Variants in TMEM268 observed in about 807,000 individuals in gnomAD.
The protein encoded by TMEM268 is transmembrane protein 268.
In TMEM268, 24 loss-of-function variants were observed where a neutral mutation model predicts 39.1. The ratio of observed to expected loss-of-function variants is 0.61; its 90% CI spans 0.44 to 0.86. The LOEUF is 0.86. TMEM268 is among the 40% of genes least tolerant of loss of function. The pLI, the probability that TMEM268 is intolerant of heterozygous loss-of-function variation, is 0.00. For synonymous variants in TMEM268, 176 were observed against 173.5 expected (o/e 1.01, Z -0.12); for missense variants, 409 against 428.6 (o/e 0.95, Z 0.40).
At chr9:114,623,503 G>A (rs1026657980) in intron 2 of TMEM268, among the ~76,000 whole-genome samples, 3 of 152,316 alleles carry the variant, frequency 2.0e-5, no homozygotes, top group Admixed American at 1.3e-4. Context: ...TCACTGAGCC[G>A]AAATCCCCTT....
chr9:114,609,882 C>T (rs1845433626), upstream of TMEM268, among the ~76,000 whole-genome samples: 1 of 151,990 alleles, frequency 6.6e-6, no homozygotes, highest in African/African-American at 2.4e-5. Flanking sequence ...GAAATGCAGG[C>T]TGTGGCATGT....
chr9:114,610,294 C>A (rs1845446427), upstream of TMEM268, among the ~76,000 whole-genome samples: 1 of 152,198 alleles, frequency 6.6e-6, no homozygotes, highest in Non-Finnish European at 1.5e-5. Flanking sequence ...CCGCCTCGGC[C>A]TCCCAAAGTG....
In TMEM268 at chr9:114,631,282, CA is replaced by C. The variant is rs3035421; in HGVS notation, c.475-2462del. Among the ~76,000 whole-genome samples the C allele has an allele frequency of 4.2e-3, 551 of 129,968 alleles. 3 individuals carry two copies. The highest frequency in any genetic ancestry group is 0.012 in the African/African-American group (407 of 32,826). 85.3% of individuals were successfully genotyped at this position (129,968 alleles called of 152,430 possible). A position where few individuals can be genotyped will look rare whatever the true frequency, so the allele number is the denominator to read the frequency against. ...GGCAACATTATACTCCAGCCTGCCT[CA>C]AAAAAAAAAAAAAAAAAAAAAAAGA... On this transcript the variant is annotated intron_variant, in intron 5 of 8. Coordinates refer to ENST00000288502, the MANE Select transcript of TMEM268 (RefSeq NM_153045.4).
At chr9:114,615,770 A>G (rs916273354) in intron 1 of TMEM268, among the ~76,000 whole-genome samples, 3 of 151,662 alleles carry the variant, frequency 2.0e-5, no homozygotes, top group African/African-American at 7.3e-5. Context: ...GCTCACTGCA[A>G]CCTCCGCCTC....
chr9:114,622,026 G>A, intron 2 of TMEM268: 2 of 928,942 alleles, frequency 2.2e-6, no homozygotes, highest in Non-Finnish European at 2.6e-6. Flanking sequence ...CACTTAGGAG[G>A]CTACTGCAGA....
intron 8 of TMEM268, among the ~76,000 whole-genome samples, 162 bp downstream of exon 8, chr9:114,638,888 C>T (rs1480781941): frequency 1.3e-5 from 2 of 152,200 alleles, no homozygotes; most frequent in African/African-American, 4.8e-5. Context: ...ATTCTTCACC[C>T]TAGCACTTAA....
chr9:114,634,074 G>A (rs1046869071), intron 6 of TMEM268, among the ~76,000 whole-genome samples, 196 bp downstream of exon 6: 6 of 152,204 alleles, frequency 3.9e-5, no homozygotes, highest in South Asian at 4.1e-4. Flanking sequence ...GTAACCAGTG[G>A]CCTGGAACCT....
At chr9:114,640,937 G>A (rs1320612990) in intron 8 of TMEM268, among the ~76,000 whole-genome samples, 2 of 151,696 alleles carry the variant, frequency 1.3e-5, no homozygotes, top group Non-Finnish European at 2.9e-5. Context: ...GTGAAGTGGT[G>A]TGATCTCCGC....
intron 1 of TMEM268, chr9:114,615,502 CAAG>C (rs1845668234): frequency 6.5e-6 from 1 of 152,930 alleles, no homozygotes; most frequent in Non-Finnish European, 1.5e-5. Flanking sequence ...AAGAGTAGAA[CAAG>C]GAGTTTGGTC....
At chr9:114,636,485 TTTTTC>T (rs1554760003) in intron 6 of TMEM268, among the ~76,000 whole-genome samples, 10 of 136,546 alleles carry the variant, frequency 7.3e-5, no homozygotes, top group African/African-American at 1.1e-4. Context: ...AGGGTTTAAC[TTTTTC>T]TTTTCTTTTC....
rs34578013 is a variant in TMEM268, at chr9:114,644,594, G to GA, written c.*1290dup. On this transcript the variant is annotated 3_prime_UTR_variant, in exon 9 of 9. Coordinates refer to ENST00000288502, the MANE Select transcript of TMEM268 (RefSeq NM_153045.4). ...TTGTGCATGACCTGGACCTGCTAAG[G>GA]AAAAAAAAATCTTGTGGATTGATTG... 0.18 allele frequency: 26,471 copies of GA among 151,122 alleles called. 2,463 individuals are homozygous for GA. The highest frequency in any genetic ancestry group is 0.28 in the South Asian group (1,345 of 4,782). The allele number at this position is 151,122 out of a possible 1,614,324, so 9.4% of individuals were successfully genotyped here.
At chr9:114,620,370 G>T (rs534536243) in intron 2 of TMEM268, among the ~76,000 whole-genome samples, 1 of 151,906 alleles carries the variant, frequency 6.6e-6, no homozygotes, top group Non-Finnish European at 1.5e-5. Context: ...CTAGTCTCCC[G>T]AGTAGCTGGG....
At chr9:114,623,309 G>A (rs1054466037) in intron 2 of TMEM268, among the ~76,000 whole-genome samples, 1 of 151,892 alleles carries the variant, frequency 6.6e-6, no homozygotes, top group East Asian at 2.0e-4. Context: ...CACCACGCCC[G>A]GCTAATTTTT....
At chr9:114,626,178 G>A (rs1667080172) in intron 3 of TMEM268, among the ~76,000 whole-genome samples, 2 of 151,984 alleles carry the variant, frequency 1.3e-5, no homozygotes, top group African/African-American at 2.4e-5. Context: ...GCCCAGCCTG[G>A]TCTTGAACTC....
upstream of TMEM268, among the ~76,000 whole-genome samples, chr9:114,607,180 A>G (rs951801870): frequency 4.6e-5 from 7 of 152,198 alleles, no homozygotes; most frequent in African/African-American, 1.7e-4. Flanking sequence ...GATTTCATTC[A>G]TATTTATTCA....
chr9:114,637,201 G>A (rs1846675310), intron 7 of TMEM268, 131 bp downstream of exon 7: 1 of 551,290 alleles, frequency 1.8e-6, no homozygotes. Flanking sequence ...ATCAGTGGTT[G>A]TTTTGCCTAG....
chr9:114,611,543 G>GGCA lies in TMEM268; in HGVS notation c.-98_-97insAGC. 1 of 165,822 alleles carries GGCA rather than the reference G, an allele frequency of 6.0e-6. No individual in the cohort carries two copies. The highest frequency in any genetic ancestry group is 1.2e-5 in the Non-Finnish European group (1 of 82,506). 10.3% of individuals were successfully genotyped at this position (165,822 alleles called of 1,614,324 possible). A position where few individuals can be genotyped will look rare whatever the true frequency, so the allele number is the denominator to read the frequency against. On this transcript the variant is annotated 5_prime_UTR_variant, in exon 1 of 9. Coordinates refer to ENST00000288502, the MANE Select transcript of TMEM268 (RefSeq NM_153045.4). ...TTCCGCGTCCCGGGGTGGCGGCGGCGGCGGCGGCGGCGGCGCGGGCGGTGA... is the reference window on the plus strand; with the variant it reads ...TTCCGCGTCCCGGGGTGGCGGCGGCGGCAGCGGCGGCGGCGGCGCGGGCGGTGA...
At chr9:114,641,904 T>C (rs753937966) in intron 8 of TMEM268, among the ~76,000 whole-genome samples, 16 of 151,592 alleles carry the variant, frequency 1.1e-4, no homozygotes, top group Non-Finnish European at 2.4e-4. Context: ...CCTCTCAAAG[T>C]GCTGGGATTA....
rs144425228 is a variant in TMEM268 at position 114,616,761 on chromosome 9, G to A, written c.-78-357G>A. Among the ~76,000 whole-genome samples the A allele has an allele frequency of 1.1e-3, 166 of 151,934 alleles. 1 individual carries two copies. The highest frequency in any genetic ancestry group is 8.3e-3 in the South Asian group (40 of 4,818). On this transcript the variant is annotated intron_variant, in intron 1 of 8. Transcript: ENST00000288502. ...AAGACTCCCTGTAATGAATATACCTGTCCTGTGCCTGGTTGCCTGGGGCAT... is the reference window on the plus strand; with the variant it reads ...AAGACTCCCTGTAATGAATATACCTATCCTGTGCCTGGTTGCCTGGGGCAT...
Sources: gnomAD v4.1 joint callset for allele counts (sites outside exome capture counted in the v4.1 genomes callset) on GRCh38, gnomAD v4.1.1 for gene constraint, MANE v1.5 for transcripts, NCBI Gene and HGNC (gene_info 2026-07-23, HGNC 2026-07-21) for gene names.